Variants in GABRR3 observed in about 807,000 individuals in gnomAD.
GABRR3 encodes gamma-aminobutyric acid receptor subunit rho-3.
A neutral mutation model predicts 43.2 loss-of-function variants in GABRR3; 29 were observed. The ratio of observed to expected loss-of-function variants is 0.67; its 90% CI spans 0.50 to 0.92. The LOEUF (loss-of-function observed/expected upper bound fraction) is 0.92. Ranked by LOEUF, GABRR3 falls within the 40% of genes least tolerant of loss-of-function variation. The pLI is 0.00. For synonymous variants in GABRR3, 206 were observed against 195.9 expected (o/e 1.05, Z -0.43); for missense variants, 576 against 572.3 (o/e 1.01, Z -0.07).
chr3:98,029,689 T>A (rs545915081), intron 2 of GABRR3, among the ~76,000 whole-genome samples: 1 of 152,242 alleles, frequency 6.6e-6, no homozygotes, highest in East Asian at 1.9e-4. Context: ...AGGGAGGACA[T>A]AATTAATAAG....
chr3:98,017,616 C>T, intron 4 of GABRR3, 39 bp downstream of exon 4: 1 of 1,486,302 alleles, frequency 6.7e-7, no homozygotes, highest in Non-Finnish European at 9.3e-7. Flanking sequence ...GAGTTTCTGT[C>T]TTTTCAGAAA....
rs761162891 is a variant in GABRR3 at position 97,987,030 on chromosome 3, A to G, written c.1105-48T>C. 89 of 1,220,550 alleles carry G rather than the reference A, an allele frequency of 7.3e-5. No homozygotes were observed. The Middle Eastern group carries it at 2.0e-3, about 27-fold the overall frequency. The allele number at this position is 1,220,550 out of a possible 1,614,324, so 75.6% of individuals were successfully genotyped here. On this transcript the variant is annotated intron_variant, in intron 9 of 9. Transcript: ENST00000621172. ...AGTAGGTCTTGAATATGGTTTTACAAATAGGAATTATGGTAAATAATGTTA... is the reference window on the plus strand; with the variant it reads ...AGTAGGTCTTGAATATGGTTTTACAGATAGGAATTATGGTAAATAATGTTA...
At chr3:97,998,681 A>G (rs371895531) in intron 8 of GABRR3, 5 of 152,246 alleles carry the variant, frequency 3.3e-5, no homozygotes, top group African/African-American at 7.2e-5. Context: ...ATTTCAACCA[A>G]AACCTATTGC....
At chr3:98,021,865 A>G (rs978101036) in intron 3 of GABRR3, among the ~76,000 whole-genome samples, 2 of 152,196 alleles carry the variant, frequency 1.3e-5, no homozygotes, top group African/African-American at 4.8e-5. Flanking sequence ...TGTATAATGC[A>G]TTTAAAGTTC....
At chr3:98,008,966 T>C in exon 6 of GABRR3, 2 of 1,601,802 alleles carry the variant, frequency 1.2e-6, no homozygotes, top group Non-Finnish European at 1.7e-6. Context: ...AGCTTTCCAG[T>C]TCAAGAGAAC....
chr3:97,986,447 A>T (rs1476653599), downstream of GABRR3, among the ~76,000 whole-genome samples: 3 of 152,228 alleles, frequency 2.0e-5, no homozygotes, highest in East Asian at 5.8e-4. Flanking sequence ...GCCCTTCCCA[A>T]TGGAAAACTG....
chr3:98,025,438 T>C, intron 3 of GABRR3, 129 bp downstream of exon 3: 9 of 594,776 alleles, frequency 1.5e-5, no homozygotes, highest in Middle Eastern at 3.3e-4. Context: ...GAGAAGGTGA[T>C]TGTAAAAGCC....
intron 9 of GABRR3, among the ~76,000 whole-genome samples, chr3:97,990,499 C>A (rs568682791): frequency 6.6e-6 from 1 of 152,166 alleles, no homozygotes; most frequent in African/African-American, 2.4e-5. Context: ...CAGGTTCCCA[C>A]CACACGCCCG....
chr3:98,007,498 T>C (rs745923435), intron 7 of GABRR3, among the ~76,000 whole-genome samples: 16 of 152,190 alleles, frequency 1.1e-4, no homozygotes, highest in Admixed American at 3.3e-4. Context: ...TTGTGAACTT[T>C]ATGTTCCAAA....
chr3:98,031,771 C>A (rs904330469), intron 2 of GABRR3, among the ~76,000 whole-genome samples: 1 of 151,832 alleles, frequency 6.6e-6, no homozygotes, highest in African/African-American at 2.4e-5. Context: ...AATTAAAAAA[C>A]AAACAAAAAC....
Position 97,994,285 on chromosome 3 carries a change from CACAATG to C in GABRR3, c.908-1243_908-1238del, listed in dbSNP as rs201711601. On this transcript the variant is annotated intron_variant, in intron 8 of 9. Transcript: ENST00000621172. The stretch of plus-strand genomic sequence containing the variant: ...TCATCTGAGAGAGCCCCATATCAAA[CACAATG>C]ACAATTCTATAGAGCCATTCTATTT... Among the ~76,000 whole-genome samples the C allele has an allele frequency of 9.6e-3, 1,457 of 152,324 alleles. 18 individuals are homozygous for C. Among genetic ancestry groups the C allele is most frequent in the Non-Finnish European group, 0.015 (1,024 of 68,022 alleles).
chr3:98,003,936 G>C (rs527685374), intron 7 of GABRR3, among the ~76,000 whole-genome samples: 11 of 152,210 alleles, frequency 7.2e-5, no homozygotes, highest in Non-Finnish European at 1.0e-4. Context: ...CATGTGTATG[G>C]CATCATCAGT....
chr3:98,023,326 A>T (rs560866900), intron 3 of GABRR3, among the ~76,000 whole-genome samples: 8 of 152,218 alleles, frequency 5.3e-5, no homozygotes, highest in East Asian at 3.9e-4. Context: ...ACCTGACATG[A>T]ATTAGGGCAG....
At chr3:98,007,879 C>A (rs764625166) in exon 7 of GABRR3, 3 of 1,590,828 alleles carry the variant, frequency 1.9e-6, no homozygotes, top group African/African-American at 1.3e-5. Context: ...TCCAGTATAG[C>A]ATTAGGTCAT....
At chr3:97,993,244 T>C (rs1438336372) in intron 8 of GABRR3, among the ~76,000 whole-genome samples, 196 bp from the exon 9 acceptor site, 1 of 152,212 alleles carries the variant, frequency 6.6e-6, no homozygotes, top group Non-Finnish European at 1.5e-5. Context: ...CTGTCTCTTT[T>C]TCTTGCCCTT....
chr3:98,002,608 A>G (rs1706665202), intron 7 of GABRR3, among the ~76,000 whole-genome samples: 1 of 152,100 alleles, frequency 6.6e-6, no homozygotes, highest in Non-Finnish European at 1.5e-5. Context: ...TTTCTAATTT[A>G]TATTACCTTG....
At chr3:98,002,127 A>G (rs1419912702) in intron 7 of GABRR3, among the ~76,000 whole-genome samples, 1 of 152,178 alleles carries the variant, frequency 6.6e-6, no homozygotes, top group Non-Finnish European at 1.5e-5. Flanking sequence ...AAAAGAACCA[A>G]TAAACCATTT....
intron 3 of GABRR3, among the ~76,000 whole-genome samples, chr3:98,019,683 T>C (rs982559380): frequency 2.0e-5 from 3 of 152,128 alleles, no homozygotes; most frequent in Non-Finnish European, 2.9e-5. Context: ...CCTCCTGGGT[T>C]CAAGTGATTC....
At position 98,019,704 on chromosome 3, in the gene GABRR3, A is replaced by G. The variant is rs11928214; in HGVS notation, c.239-1982T>C. Among the ~76,000 whole-genome samples the G allele has an allele frequency of 5.7e-3, 861 of 151,214 alleles. 5 individuals carry two copies. Among genetic ancestry groups the G allele is most frequent in the African/African-American group, 0.02 (820 of 41,102 alleles). On this transcript the variant is annotated intron_variant, in intron 3 of 9. Coordinates refer to ENST00000621172, the Ensembl canonical transcript of GABRR3. Reference sequence around the variant, plus strand: ...GGGTTCAAGTGATTCTTGTGCCTCAACCTCCTGAGTAGCTGGGATTAGAGG... The same window carrying G: ...GGGTTCAAGTGATTCTTGTGCCTCAGCCTCCTGAGTAGCTGGGATTAGAGG...
Sources: allele counts gnomAD v4.1 joint callset (sites outside exome capture counted in the v4.1 genomes callset), GRCh38; gene constraint gnomAD v4.1.1; transcripts MANE v1.5; gene names NCBI Gene and HGNC (gene_info 2026-07-23, HGNC 2026-07-21).